Variants in C10orf67 observed in about 807,000 individuals in gnomAD.
The protein encoded by C10orf67 is chromosome 10 open reading frame 67.
A neutral mutation model predicts 35.6 loss-of-function variants in C10orf67; 60 were observed. That is an observed-to-expected ratio of 1.68 (90% CI 1.37 to 2.09). The LOEUF (loss-of-function observed/expected upper bound fraction) is 2.09. Ranked by LOEUF, C10orf67 falls within the 30% of genes most tolerant of loss-of-function variation. The pLI, the probability that C10orf67 is intolerant of heterozygous loss-of-function variation, is 0.00. For missense variants in C10orf67, 474 were observed against 330.2 expected, an observed-to-expected ratio of 1.44 and a Z score of -3.38; for synonymous variants, 167 against 115.8, an observed-to-expected ratio of 1.44 and a Z score of -2.84.
chr10:23,209,093 T>C (rs1256896308), intron 15 of C10orf67, among the ~76,000 whole-genome samples: 1 of 151,878 alleles, frequency 6.6e-6, no homozygotes, highest in Non-Finnish European at 1.5e-5. Context: ...GCACTGCAAG[T>C]CATTTGTGAC....
intron 8 of C10orf67, among the ~76,000 whole-genome samples, chr10:23,270,075 C>G (rs183228888): frequency 6.6e-6 from 1 of 152,230 alleles, no homozygotes; most frequent in African/African-American, 2.4e-5. Context: ...AGACTATATA[C>G]TGGGGGAGGG....
In C10orf67 at chr10:23,333,057, T is replaced by C. The variant is rs1327550703; in HGVS notation, c.327+5A>G. Reference sequence around the variant, plus strand: ...TCAGAAGTTTCAGAACAAATTCAGATTTACCTGTGCTAACTTTTGCGTAGA... The same window carrying C: ...TCAGAAGTTTCAGAACAAATTCAGACTTACCTGTGCTAACTTTTGCGTAGA... On this transcript the variant is annotated splice_donor_5th_base_variant and intron_variant, in intron 2 of 15. Coordinates refer to ENST00000636213, the MANE Select transcript of C10orf67 (RefSeq NM_001371909.1). The C allele has an allele frequency of 3.1e-6, 5 of 1,608,732 alleles. No homozygotes were observed. In the African/African-American group the frequency reaches 5.3e-5, roughly 17 times the overall value.
chr10:23,231,471 A>G (rs747440987), intron 13 of C10orf67, among the ~76,000 whole-genome samples: 26 of 152,204 alleles, frequency 1.7e-4, no homozygotes, highest in Non-Finnish European at 3.4e-4. Flanking sequence ...GTACCACTTT[A>G]TGGAGTACTG....
At position 23,225,473 on chromosome 10, in the gene C10orf67, A is replaced by G. The variant is rs566035633; in HGVS notation, c.1435-1655T>C. On this transcript the variant is annotated intron_variant, in intron 13 of 15. Coordinates refer to ENST00000636213, the MANE Select transcript of C10orf67 (RefSeq NM_001371909.1). Reference sequence around the variant, plus strand: ...GAAACTGCATCAACCAACGAGCAAAATAACCAGCTAACATCATAATGACAG... The same window carrying G: ...GAAACTGCATCAACCAACGAGCAAAGTAACCAGCTAACATCATAATGACAG... Among the ~76,000 whole-genome samples, 27 of 152,328 alleles carry G rather than the reference A, an allele frequency of 1.8e-4. No homozygotes were observed. In the South Asian group the frequency reaches 4.4e-3, roughly 25 times the overall value.
In C10orf67 at chr10:23,344,719, C is replaced by T. The variant is rs754584263; in HGVS notation, c.56G>A (p.Trp19Ter). The change falls in exon 1 of 16, where the codon TGG becomes TAG. Residue 19 changes from tryptophan to a stop codon, truncating the protein, a stop_gained. Transcript: ENST00000636213. LOFTEE classifies it high-confidence loss of function. ...AHYVMSIVIR[W>*]VHCFSSSLRG... Reference sequence around the variant, plus strand: ...CAAGGAGGAGGAAAAGCAGTGAACCCATCTAATAACTATGCTCATGACATA... The same window carrying T: ...CAAGGAGGAGGAAAAGCAGTGAACCTATCTAATAACTATGCTCATGACATA... 3.2e-6 allele frequency: 5 copies of T among 1,573,802 alleles called. No individual in the cohort carries two copies. The South Asian group carries it at 5.9e-5, about 18-fold the overall frequency.
intron 12 of C10orf67, among the ~76,000 whole-genome samples, chr10:23,248,384 G>A (rs1200549503): frequency 6.6e-6 from 1 of 152,188 alleles, no homozygotes; most frequent in Non-Finnish European, 1.5e-5. Flanking sequence ...CCAAGAGGAA[G>A]GACTAGCCCT....
At position 23,322,468 on chromosome 10, in the gene C10orf67, G is replaced by T; in HGVS notation, c.397C>A (p.Leu133Met). 1 of 1,612,042 alleles carries T rather than the reference G, an allele frequency of 6.2e-7. No individual in the cohort carries two copies. Among genetic ancestry groups the T allele is most frequent in the Non-Finnish European group, 8.5e-7 (1 of 1,178,176 alleles). The change falls in exon 3 of 16, where the codon CTG (leucine) becomes ATG (methionine). Residue 133 changes from leucine (L) to methionine (M), a missense_variant. By Grantham distance (15) the Leu-to-Met change is conservative. Coordinates refer to ENST00000636213, the MANE Select transcript of C10orf67 (RefSeq NM_001371909.1). ...QLLQLKFEDRLKEESLSLFTI... is the reference protein window; with the variant it reads ...QLLQLKFEDRMKEESLSLFTI... ...AAGAGACTCAAAGATTCCTCTTTCA[G>T]TCGGTCCTCAAACTTCAACTGAAGC...
chr10:23,257,562 G>A (rs756811789), intron 10 of C10orf67, among the ~76,000 whole-genome samples: 1 of 152,120 alleles, frequency 6.6e-6, no homozygotes, highest in East Asian at 1.9e-4. Context: ...CAGCACTTTG[G>A]GGGGCCAAGG....
intron 1 of C10orf67, among the ~76,000 whole-genome samples, chr10:23,334,048 T>C (rs1285063342): frequency 6.6e-6 from 1 of 152,208 alleles, no homozygotes; most frequent in East Asian, 1.9e-4. Flanking sequence ...AATCAATATA[T>C]TTTAATTTTC....
At chr10:23,328,401 TACC>T (rs200094592) in intron 2 of C10orf67, among the ~76,000 whole-genome samples, 1,701 of 152,268 alleles carry the variant, frequency 0.011, 23 homozygotes, top group Non-Finnish European at 0.016. Flanking sequence ...AGATAGCTAT[TACC>T]ACTCCTCCCT....
At chr10:23,202,443 A>G (rs1841049918), downstream of C10orf67, 1 of 150,602 alleles carries the variant, frequency 6.6e-6, no homozygotes, top group Non-Finnish European at 1.5e-5. Context: ...TGTTTTTCCT[A>G]TTATATGCAT....
At chr10:23,223,572 T>C in intron 15 of C10orf67, 26 bp downstream of exon 15, 2 of 717,212 alleles carry the variant, frequency 2.8e-6, no homozygotes, top group Non-Finnish European at 2.6e-6. Flanking sequence ...GGTGTGAACC[T>C]CATTTCCAAC....
intron 15 of C10orf67, among the ~76,000 whole-genome samples, chr10:23,208,126 G>A (rs1347442084): frequency 1.3e-5 from 2 of 152,154 alleles, no homozygotes; most frequent in Admixed American, 6.5e-5. Flanking sequence ...ATTTTTGCAC[G>A]TACGAATTTG....
intron 5 of C10orf67, among the ~76,000 whole-genome samples, chr10:23,300,082 T>C (rs1264482744): frequency 6.6e-6 from 1 of 151,960 alleles, no homozygotes; most frequent in Non-Finnish European, 1.5e-5. Context: ...GTGAGGGTGA[T>C]GGCATGGGCT....
At chr10:23,326,570 T>C (rs1564515448) in intron 2 of C10orf67, among the ~76,000 whole-genome samples, 4 of 152,238 alleles carry the variant, frequency 2.6e-5, no homozygotes, top group Admixed American at 1.3e-4. Flanking sequence ...GCAAAGGAAA[T>C]TGTAAATATC....
chr10:23,212,959 A>T (rs1046989568), intron 15 of C10orf67, among the ~76,000 whole-genome samples: 4 of 152,210 alleles, frequency 2.6e-5, no homozygotes, highest in African/African-American at 9.7e-5. Context: ...CAAAGATTTT[A>T]AAACTTATGC....
chr10:23,252,084 C>CA (rs896796620), intron 10 of C10orf67, among the ~76,000 whole-genome samples: 5 of 152,074 alleles, frequency 3.3e-5, no homozygotes, highest in African/African-American at 7.2e-5. Flanking sequence ...GTTTTGCTTT[C>CA]AAAAAAATCC....
intron 10 of C10orf67, among the ~76,000 whole-genome samples, chr10:23,254,109 G>T (rs1420136678): frequency 6.6e-6 from 1 of 152,182 alleles, no homozygotes; most frequent in Non-Finnish European, 1.5e-5. Context: ...ATGTGAAAAT[G>T]AGTGTTAATA....
At chr10:23,331,196 AAGG>A (rs1845445697) in intron 2 of C10orf67, among the ~76,000 whole-genome samples, 4 of 42,024 alleles carry the variant, frequency 9.5e-5, no homozygotes, top group Non-Finnish European at 1.1e-4. Flanking sequence ...AAGGGAAGGG[AAGG>A]GAAGGGAAGA....
Sources: gnomAD v4.1 joint callset for allele counts (sites outside exome capture counted in the v4.1 genomes callset) on GRCh38, gnomAD v4.1.1 for gene constraint, MANE v1.5 for transcripts, NCBI Gene and HGNC (gene_info 2026-07-23, HGNC 2026-07-21) for gene names.